The following SH3RF2 variants were observed in gnomAD, a reference collection of about 807,000 sequenced individuals.
The protein encoded by SH3RF2 is E3 ubiquitin-protein ligase SH3RF2.
SH3RF2 carries 43 observed loss-of-function variants against 59.0 expected under a neutral mutation model. That is an observed-to-expected ratio of 0.73 (90% CI 0.57 to 0.94). SH3RF2 has a LOEUF of 0.94. Ranked by LOEUF, SH3RF2 falls within the 40% of genes least tolerant of loss-of-function variation. SH3RF2 has a pLI of 0.00. For missense variants in SH3RF2, 930 were observed against 940.1 expected (o/e 0.99, Z 0.14); for synonymous variants, 391 against 391.5 (o/e 1.00, Z 0.01).
At chr5:145,985,336 GATTA>G (rs1181388759) in intron 2 of SH3RF2, among the ~76,000 whole-genome samples, 6 of 152,190 alleles carry the variant, frequency 3.9e-5, no homozygotes, top group African/African-American at 9.7e-5. Flanking sequence ...AAAAGATGGA[GATTA>G]ATTAAGTAAA....
rs1024126445 is a variant in SH3RF2 at position 146,000,339 on chromosome 5, G to A, written c.648+12G>A. On this transcript the variant is annotated intron_variant, in intron 3 of 9. Coordinates refer to ENST00000359120, the MANE Select transcript of SH3RF2 (RefSeq NM_152550.4). ...TGACCTTCCTCAAGGTAGGATTCTG[G>A]GTGGCCACCAGAGTCACCTGGGACC... 1 of 1,609,660 alleles carries A rather than the reference G, an allele frequency of 6.2e-7. No individual in the cohort carries two copies. The highest frequency in any genetic ancestry group is 1.3e-5 in the African/African-American group (1 of 74,834).
chr5:146,062,140 G>T (rs1342906666), intron 9 of SH3RF2, among the ~76,000 whole-genome samples: 1 of 152,076 alleles, frequency 6.6e-6, no homozygotes, highest in East Asian at 1.9e-4. Flanking sequence ...TGTTTTTATA[G>T]GCGGCGGCCT....
At chr5:146,064,616 G>A (rs13186466), downstream of SH3RF2, among the ~76,000 whole-genome samples, 155 of 41,244 alleles carry the variant, frequency 3.8e-3, 3 homozygotes, top group African/African-American at 0.01. Context: ...AGAGAGAGAG[G>A]GAGAGAGAGA....
At chr5:146,053,947 CA>C (rs1474201217) in intron 7 of SH3RF2, among the ~76,000 whole-genome samples, 1 of 152,108 alleles carries the variant, frequency 6.6e-6, no homozygotes, top group Non-Finnish European at 1.5e-5. Flanking sequence ...AATATTGGGC[CA>C]GCTCTTAAGG....
intron 2 of SH3RF2, among the ~76,000 whole-genome samples, chr5:145,950,735 C>G (rs1261135266): frequency 6.6e-6 from 1 of 152,174 alleles, no homozygotes; most frequent in African/African-American, 2.4e-5. Flanking sequence ...ATGACAAGCT[C>G]TGGTCCAGAA....
chr5:146,020,521 T>A (rs1046423869), intron 5 of SH3RF2, among the ~76,000 whole-genome samples: 3 of 152,336 alleles, frequency 2.0e-5, no homozygotes, highest in South Asian at 4.1e-4. Context: ...GTAAGCATAT[T>A]ATTTTTCAAG....
At chr5:145,969,603 T>C (rs935346406) in intron 2 of SH3RF2, among the ~76,000 whole-genome samples, 3 of 151,950 alleles carry the variant, frequency 2.0e-5, no homozygotes, top group African/African-American at 7.3e-5. Flanking sequence ...TGCGTGGTGG[T>C]ACGTGCCTGT....
intron 4 of SH3RF2, among the ~76,000 whole-genome samples, chr5:146,009,316 T>C (rs985886504): frequency 1.3e-5 from 2 of 152,198 alleles, no homozygotes; most frequent in Admixed American, 6.5e-5. Flanking sequence ...TCCCAGGCTC[T>C]TGTGATCTGG....
At chr5:145,941,899 G>A (rs779848419) in intron 2 of SH3RF2, among the ~76,000 whole-genome samples, 16 of 152,224 alleles carry the variant, frequency 1.1e-4, no homozygotes, top group Non-Finnish European at 2.2e-4. Flanking sequence ...AATGTTAGCT[G>A]TGGTTGTTGT....
At chr5:145,985,473 C>T (rs910127397) in intron 2 of SH3RF2, among the ~76,000 whole-genome samples, 6 of 152,166 alleles carry the variant, frequency 3.9e-5, no homozygotes, top group Non-Finnish European at 7.4e-5. Flanking sequence ...ATTCCTCACA[C>T]GACAGCCTAT....
At position 146,011,958 on chromosome 5, in the gene SH3RF2, T is replaced by C. The variant is rs112138997; in HGVS notation, c.745-1789T>C. ...GACAGAGGGCATCCCTGTCTTGTGC[T>C]AGTTTTTAAAGGCAATGCTTCCAGT... is the stretch of plus-strand genomic sequence containing the variant. On this transcript the variant is annotated intron_variant, in intron 4 of 9. Transcript: ENST00000359120. Among the ~76,000 whole-genome samples, 15 of 152,338 alleles carry C rather than the reference T, an allele frequency of 9.8e-5. 3 individuals carry two copies. Among genetic ancestry groups the C allele is most frequent in the African/African-American group, 3.6e-4 (15 of 41,586 alleles).
intron 5 of SH3RF2, among the ~76,000 whole-genome samples, chr5:146,014,531 G>T (rs949580819): frequency 1.3e-5 from 2 of 152,160 alleles, no homozygotes; most frequent in African/African-American, 4.8e-5. Context: ...ATGGGTTATT[G>T]AATGTTCTCA....
chr5:145,950,758 T>G (rs998936649), intron 2 of SH3RF2, among the ~76,000 whole-genome samples: 4 of 152,222 alleles, frequency 2.6e-5, no homozygotes, highest in African/African-American at 9.6e-5. Flanking sequence ...GATCTGCTTT[T>G]CCTGAAATGT....
intron 1 of SH3RF2, chr5:145,937,245 T>A (rs1757623912): frequency 6.6e-6 from 1 of 151,960 alleles, no homozygotes; most frequent in Non-Finnish European, 1.5e-5. Context: ...GCAAAACAAT[T>A]TTTGGAAATG....
chr5:146,017,554 C>T (rs771435457), intron 5 of SH3RF2, among the ~76,000 whole-genome samples: 7 of 152,096 alleles, frequency 4.6e-5, no homozygotes, highest in Non-Finnish European at 8.8e-5. Flanking sequence ...ATCCCTGTCC[C>T]ACTGCCAATC....
intron 2 of SH3RF2, among the ~76,000 whole-genome samples, chr5:145,946,441 T>C (rs1159819251): frequency 1.3e-5 from 2 of 152,212 alleles, no homozygotes; most frequent in Non-Finnish European, 1.5e-5. Flanking sequence ...GTAGACCTCA[T>C]GGGATCATGA....
At chr5:146,016,290 A>G (rs887731232) in intron 5 of SH3RF2, among the ~76,000 whole-genome samples, 7 of 152,182 alleles carry the variant, frequency 4.6e-5, no homozygotes, top group Admixed American at 2.0e-4. Context: ...AAGAAGAGTA[A>G]TATAACCTCA....
intron 2 of SH3RF2, among the ~76,000 whole-genome samples, chr5:145,963,299 T>C (rs1758709307): frequency 6.6e-6 from 1 of 151,878 alleles, no homozygotes; most frequent in Non-Finnish European, 1.5e-5. Flanking sequence ...TTAATAACTA[T>C]ACATTTATAG....
At chr5:146,064,257 G>A (rs1762991893), downstream of SH3RF2, among the ~76,000 whole-genome samples, 1 of 151,960 alleles carries the variant, frequency 6.6e-6, no homozygotes, top group Admixed American at 6.6e-5. Context: ...AAGGGGTGGG[G>A]CAACCTTACA....
Sources: allele counts gnomAD v4.1 joint callset (sites outside exome capture counted in the v4.1 genomes callset), GRCh38; gene constraint gnomAD v4.1.1; transcripts MANE v1.5; gene names NCBI Gene and HGNC (gene_info 2026-07-23, HGNC 2026-07-21).